SCFD2: variants seen among roughly 807,000 people sequenced by gnomAD.
SCFD2 encodes sec1 family domain containing 2, also known as sec1 family domain-containing protein 2.
A neutral mutation model predicts 58.9 loss-of-function variants in SCFD2; 54 were observed. The observed-to-expected ratio is 0.92, with a 90% CI of 0.74 to 1.15. SCFD2 has a LOEUF of 1.15. Among genes scored for constraint, SCFD2 ranks in the 50% most tolerant of loss-of-function variants. The probability of loss-of-function intolerance (pLI) is 0.00; values close to 1 mark genes in which losing one functional copy is unlikely to be tolerated. For synonymous variants in SCFD2, 321 were observed against 335.9 expected, an observed-to-expected ratio of 0.96 and a Z score of 0.49; for missense variants, 805 against 836.6, an observed-to-expected ratio of 0.96 and a Z score of 0.47.
chr4:52,933,867 G>A (rs1298999264), intron 5 of SCFD2, among the ~76,000 whole-genome samples: 4 of 152,174 alleles, frequency 2.6e-5, no homozygotes, highest in Non-Finnish European at 5.9e-5. Context: ...AGGAGCCCTC[G>A]GAGTGGGTTA....
chr4:53,239,704 G>T (rs561608930), intron 4 of SCFD2, among the ~76,000 whole-genome samples: 1 of 152,202 alleles, frequency 6.6e-6, no homozygotes, highest in Admixed American at 6.5e-5. Flanking sequence ...GGCTGGTCCT[G>T]AACTCCTGAC....
At chr4:53,100,185 T>C (rs530796607) in intron 5 of SCFD2, among the ~76,000 whole-genome samples, 4 of 152,316 alleles carry the variant, frequency 2.6e-5, no homozygotes, top group African/African-American at 9.6e-5. Context: ...AGGAATTAAA[T>C]TGCCAACATT....
chr4:53,091,359 A>G (rs1724463298), intron 5 of SCFD2, among the ~76,000 whole-genome samples: 1 of 136,764 alleles, frequency 7.3e-6, no homozygotes, highest in Non-Finnish European at 1.6e-5. Context: ...AAAAGAGGAA[A>G]CTAGGTTAAA....
chr4:53,046,655 G>C (rs1414042358), intron 5 of SCFD2, among the ~76,000 whole-genome samples: 2 of 151,816 alleles, frequency 1.3e-5, no homozygotes, highest in Non-Finnish European at 2.9e-5. Context: ...CTTCAACAAA[G>C]CTACGTGTTT....
chr4:53,252,656 T>C (rs1730437807), intron 4 of SCFD2, among the ~76,000 whole-genome samples: 1 of 151,978 alleles, frequency 6.6e-6, no homozygotes, highest in Non-Finnish European at 1.5e-5. Flanking sequence ...ATTTAATAAA[T>C]GGTGTTGGGA....
chr4:52,946,276 T>C (rs2109521645), intron 5 of SCFD2, among the ~76,000 whole-genome samples: 1 of 152,158 alleles, frequency 6.6e-6, no homozygotes, highest in East Asian at 1.9e-4. Context: ...GTGAACATCA[T>C]AGGTTTATCT....
chr4:52,901,746 T>C (rs901425955), intron 7 of SCFD2, among the ~76,000 whole-genome samples: 1 of 152,202 alleles, frequency 6.6e-6, no homozygotes, highest in Non-Finnish European at 1.5e-5. Flanking sequence ...GAAAGGCTTC[T>C]CTGGACAATC....
At chr4:53,307,286 C>T (rs1253463246) in intron 3 of SCFD2, among the ~76,000 whole-genome samples, 2 of 152,182 alleles carry the variant, frequency 1.3e-5, no homozygotes, top group African/African-American at 2.4e-5. Context: ...GAAGGCAGAA[C>T]CATCTTTATA....
rs183258705 is a variant in SCFD2, at chr4:53,179,119, G to T, written c.1312-33537C>A. ...GAACTTCCCCAATCTAGCAAGGCGG[G>T]CCAACATTCAAATTCAGGAAATACA... On this transcript the variant is annotated intron_variant, in intron 4 of 8. Transcript: ENST00000401642. Among the ~76,000 whole-genome samples the T allele has an allele frequency of 6.7e-4, 102 of 152,260 alleles. 6 individuals carry two copies. In the East Asian group the frequency reaches 0.018, roughly 27 times the overall value.
intron 5 of SCFD2, among the ~76,000 whole-genome samples, chr4:53,144,706 A>G: frequency 6.6e-6 from 1 of 152,106 alleles, no homozygotes; most frequent in Non-Finnish European, 1.5e-5. Flanking sequence ...ACTACATTTT[A>G]TTTTTCCTTA....
intron 5 of SCFD2, among the ~76,000 whole-genome samples, chr4:53,105,328 C>T (rs1326885782): frequency 4.6e-5 from 7 of 151,776 alleles, no homozygotes; most frequent in Non-Finnish European, 1.5e-5. Flanking sequence ...GGAATACCAC[C>T]GAGACAGAGC....
chr4:53,331,995 A>G (rs1436783254), intron 2 of SCFD2, among the ~76,000 whole-genome samples: 1 of 152,240 alleles, frequency 6.6e-6, no homozygotes, highest in Non-Finnish European at 1.5e-5. Flanking sequence ...TAGAAAATCT[A>G]GAAGAAATGG....
Position 53,328,552 on chromosome 4 carries a change from A to C in SCFD2, c.1008-14789T>G, listed in dbSNP as rs1163049577. Among the ~76,000 whole-genome samples, 7 of 152,370 alleles carry C rather than the reference A, an allele frequency of 4.6e-5. No homozygotes were observed. In the South Asian group the frequency reaches 1.4e-3, roughly 32 times the overall value. On this transcript the variant is annotated intron_variant, in intron 2 of 8. Coordinates refer to ENST00000401642, the MANE Select transcript of SCFD2 (RefSeq NM_152540.4). Reference sequence around the variant, plus strand: ...GTTATAACCCATTGAATAAAATACGAATCTATTAGTTTATGCTAATATACA... The same window carrying C: ...GTTATAACCCATTGAATAAAATACGCATCTATTAGTTTATGCTAATATACA...
chr4:53,143,205 A>G (rs2148910803), intron 5 of SCFD2, among the ~76,000 whole-genome samples: 1 of 152,346 alleles, frequency 6.6e-6, no homozygotes, highest in South Asian at 2.1e-4. Flanking sequence ...GCATGATTTC[A>G]GTTCCAAAAG....
At chr4:53,207,334 G>A (rs1728437812) in intron 4 of SCFD2, among the ~76,000 whole-genome samples, 1 of 147,280 alleles carries the variant, frequency 6.8e-6, no homozygotes. Flanking sequence ...AAAGGATGAT[G>A]GCAAGAGGGG....
At chr4:53,013,917 A>G (rs1007325074) in intron 5 of SCFD2, among the ~76,000 whole-genome samples, 17 of 152,346 alleles carry the variant, frequency 1.1e-4, no homozygotes, top group Non-Finnish European at 1.0e-4. Context: ...TCAGTATAAA[A>G]TAAAAAGGGT....
At position 53,230,445 on chromosome 4, in the gene SCFD2, A is replaced by G. The variant is rs555823182; in HGVS notation, c.1311+43381T>C. On this transcript the variant is annotated intron_variant, in intron 4 of 8. Coordinates refer to ENST00000401642, the MANE Select transcript of SCFD2 (RefSeq NM_152540.4). ...CACCATGGAATACTATGCAGCCACA[A>G]AAAAGGATGAGTTCATGTTCTTTGT... 2.0e-4 allele frequency among the ~76,000 whole-genome samples: 31 copies of G among 152,338 alleles called. No homozygotes were observed. In the South Asian group the frequency reaches 5.4e-3, roughly 26 times the overall value.
intron 5 of SCFD2, among the ~76,000 whole-genome samples, chr4:53,132,149 C>T (rs541017626): frequency 1.1e-4 from 16 of 152,282 alleles, no homozygotes; most frequent in African/African-American, 3.8e-4. Flanking sequence ...TAGTTAGCTA[C>T]CTCAATAGGA....
intron 7 of SCFD2, among the ~76,000 whole-genome samples, chr4:52,905,467 A>T (rs1719322198): frequency 6.6e-6 from 1 of 151,932 alleles, no homozygotes. Flanking sequence ...ACTCTCCCCC[A>T]CCCCCTGTAG....
Sources: gnomAD v4.1 joint callset for allele counts (sites outside exome capture counted in the v4.1 genomes callset) on GRCh38, gnomAD v4.1.1 for gene constraint, MANE v1.5 for transcripts, NCBI Gene and HGNC (gene_info 2026-07-23, HGNC 2026-07-21) for gene names.